SGCZ: variants seen among roughly 807,000 people sequenced by gnomAD.
SGCZ encodes the protein zeta-sarcoglycan.
A neutral mutation model predicts 41.3 loss-of-function variants in SGCZ; 40 were observed. The observed-to-expected ratio is 0.97, with a 90% CI of 0.75 to 1.26. SGCZ has a LOEUF of 1.26. Ranked by LOEUF, SGCZ falls within the 50% of genes most tolerant of loss-of-function variation. SGCZ has a pLI of 0.00. For synonymous variants in SGCZ, 206 were observed against 137.5 expected, an observed-to-expected ratio of 1.50 and a Z score of -3.49; for missense variants, 552 against 369.8, an observed-to-expected ratio of 1.49 and a Z score of -4.04.
intron 1 of SGCZ, among the ~76,000 whole-genome samples, chr8:14,665,172 C>T (rs1413003189): frequency 9.9e-5 from 15 of 152,102 alleles, no homozygotes; most frequent in Non-Finnish European, 5.9e-5. Flanking sequence ...CTCTCCCCAC[C>T]CCACAACAGG....
At chr8:14,612,074 A>C (rs1436328219) in intron 1 of SGCZ, among the ~76,000 whole-genome samples, 1 of 152,226 alleles carries the variant, frequency 6.6e-6, no homozygotes, top group Non-Finnish European at 1.5e-5. Context: ...ATTTTGAAAA[A>C]CATTAGCTAT....
intron 1 of SGCZ, among the ~76,000 whole-genome samples, chr8:14,653,227 G>A (rs556287142): frequency 4.6e-5 from 7 of 151,988 alleles, no homozygotes; most frequent in African/African-American, 9.7e-5. Context: ...GCAATGTGAC[G>A]TGACATGACC....
At chr8:15,101,122 C>G (rs543215814) in intron 1 of SGCZ, among the ~76,000 whole-genome samples, 1 of 152,238 alleles carries the variant, frequency 6.6e-6, no homozygotes, top group East Asian at 1.9e-4. Context: ...GTAGACCTAA[C>G]GTAAAACTCA....
chr8:14,256,171 T>A lies in SGCZ; in HGVS notation c.337-18492A>T, dbSNP rs569147868. Among the ~76,000 whole-genome samples the A allele has an allele frequency of 1.1e-4, 16 of 152,296 alleles. No homozygotes were observed. The East Asian group carries it at 2.1e-3, about 20-fold the overall frequency. ...TATAAAATGCTTTCTTTCTTTAATA[T>A]GCTTCATCCATATTTTTACCATAAC... On this transcript the variant is annotated intron_variant, in intron 3 of 7. Coordinates refer to ENST00000382080, the MANE Select transcript of SGCZ (RefSeq NM_139167.4).
intron 1 of SGCZ, among the ~76,000 whole-genome samples, chr8:14,870,665 G>A (rs1804115390): frequency 6.6e-6 from 1 of 151,102 alleles, no homozygotes; most frequent in South Asian, 2.1e-4. Context: ...CAGAATGGGA[G>A]AAAATTTCTG....
chr8:14,584,316 A>G (rs1377095712), intron 1 of SGCZ, among the ~76,000 whole-genome samples: 2 of 152,140 alleles, frequency 1.3e-5, no homozygotes, highest in African/African-American at 2.4e-5. Context: ...GGAATTTGCA[A>G]ATTATGGTTG....
At chr8:14,428,101 TACACACACAC>T (rs200114899) in intron 2 of SGCZ, among the ~76,000 whole-genome samples, 5 of 124,488 alleles carry the variant, frequency 4.0e-5, no homozygotes, top group Non-Finnish European at 1.7e-5. Flanking sequence ...TGGTTGTATA[TACACACACAC>T]ACACACACAC....
intron 1 of SGCZ, among the ~76,000 whole-genome samples, chr8:15,161,640 A>G (rs1289146802): frequency 2.0e-5 from 3 of 152,250 alleles, no homozygotes; most frequent in African/African-American, 7.2e-5. Flanking sequence ...TTCAGCAAAC[A>G]TGTTGTAAAA....
intron 1 of SGCZ, among the ~76,000 whole-genome samples, chr8:14,949,750 A>G (rs1279311178): frequency 2.6e-5 from 4 of 152,100 alleles, no homozygotes; most frequent in African/African-American, 7.2e-5. Context: ...CTCTACATTT[A>G]ATTATAAAGT....
intron 2 of SGCZ, among the ~76,000 whole-genome samples, chr8:14,413,305 G>A (rs1261944366): frequency 1.3e-5 from 2 of 151,940 alleles, no homozygotes; most frequent in Non-Finnish European, 2.9e-5. Context: ...CACACGTTGT[G>A]TCAGCAATAT....
chr8:14,537,319 A>T (rs1803326460), intron 2 of SGCZ, among the ~76,000 whole-genome samples: 1 of 151,918 alleles, frequency 6.6e-6, no homozygotes, highest in East Asian at 1.9e-4. Context: ...GTATCATTGC[A>T]TATCTCTGTC....
At chr8:15,113,993 C>A (rs1195305714) in intron 1 of SGCZ, among the ~76,000 whole-genome samples, 3 of 152,192 alleles carry the variant, frequency 2.0e-5, no homozygotes, top group Admixed American at 6.5e-5. Flanking sequence ...AAACAAGATG[C>A]TCCTCATTTT....
intron 2 of SGCZ, among the ~76,000 whole-genome samples, chr8:14,401,901 C>T (rs958609235): frequency 1.3e-5 from 2 of 150,584 alleles, no homozygotes; most frequent in Non-Finnish European, 2.9e-5. Context: ...TACAGTCCCA[C>T]CAACAGTGTA....
intron 1 of SGCZ, among the ~76,000 whole-genome samples, chr8:14,621,933 C>T (rs1282945687): frequency 1.3e-5 from 2 of 152,094 alleles, no homozygotes; most frequent in Non-Finnish European, 2.9e-5. Flanking sequence ...TCTCCCCAAA[C>T]CATACAGACT....
At chr8:14,234,721 T>C (rs1426739268) in intron 4 of SGCZ, among the ~76,000 whole-genome samples, 1 of 152,120 alleles carries the variant, frequency 6.6e-6, no homozygotes, top group East Asian at 1.9e-4. Context: ...ACTTTATGTA[T>C]ACACAATTAA....
At chr8:14,603,160 T>A (rs1221006703) in intron 1 of SGCZ, among the ~76,000 whole-genome samples, 2 of 152,198 alleles carry the variant, frequency 1.3e-5, no homozygotes, top group African/African-American at 4.8e-5. Flanking sequence ...TAGGTCAACC[T>A]AAACCTTCGT....
At chr8:14,122,121 CA>C (rs541147049) in intron 5 of SGCZ, among the ~76,000 whole-genome samples, 3 of 152,004 alleles carry the variant, frequency 2.0e-5, no homozygotes, top group African/African-American at 7.2e-5. Context: ...ACTAAAAATA[CA>C]AAAAAATAGC....
intron 2 of SGCZ, among the ~76,000 whole-genome samples, chr8:14,350,926 C>T (rs528759157): frequency 6.6e-6 from 1 of 152,124 alleles, no homozygotes; most frequent in East Asian, 1.9e-4. Context: ...AATATATTCA[C>T]TGCTAATATT....
At chr8:14,958,121 G>C (rs1248205542) in intron 1 of SGCZ, among the ~76,000 whole-genome samples, 1 of 151,320 alleles carries the variant, frequency 6.6e-6, no homozygotes, top group East Asian at 1.9e-4. Flanking sequence ...AACCAGTAGG[G>C]GTCCTCTGGA....
Sources: allele counts gnomAD v4.1 joint callset (sites outside exome capture counted in the v4.1 genomes callset), GRCh38; gene constraint gnomAD v4.1.1; transcripts MANE v1.5; gene names NCBI Gene and HGNC (gene_info 2026-07-23, HGNC 2026-07-21).